The following PTPRD variants were observed in gnomAD, a reference collection of about 807,000 sequenced individuals.
The protein encoded by PTPRD is receptor-type tyrosine-protein phosphatase delta.
Under a neutral mutation model 214.5 loss-of-function variants are expected in PTPRD, and 34 were observed. The observed-to-expected ratio is 0.16, with a 90% CI of 0.12 to 0.21. PTPRD has a LOEUF of 0.21. PTPRD is among the 10% of genes least tolerant of loss of function. The pLI, the probability that PTPRD is intolerant of heterozygous loss-of-function variation, is 1.00. For synonymous variants in PTPRD, 1,128 were observed against 845.7 expected (o/e 1.33, Z -5.79); for missense variants, 2,545 against 2,398.7 (o/e 1.06, Z -1.27).
At chr9:8,560,888 T>C (rs2085976107) in intron 14 of PTPRD, among the ~76,000 whole-genome samples, 1 of 151,510 alleles carries the variant, frequency 6.6e-6, no homozygotes, top group South Asian at 2.1e-4. Context: ...CAGGACTCTT[T>C]AGCCTAAGTG....
chr9:8,823,853 A>T (rs1402749513), intron 11 of PTPRD, among the ~76,000 whole-genome samples: 1 of 152,174 alleles, frequency 6.6e-6, no homozygotes, highest in East Asian at 1.9e-4. Context: ...GTAAAAGAAT[A>T]AAAGAATGGC....
At chr9:10,326,606 T>A (rs2096647480) in intron 3 of PTPRD, among the ~76,000 whole-genome samples, 1 of 151,676 alleles carries the variant, frequency 6.6e-6, no homozygotes, top group South Asian at 2.1e-4. Flanking sequence ...TTTTATTGAA[T>A]ATTAATTATG....
At chr9:9,775,885 G>A (rs1286618868) in intron 5 of PTPRD, among the ~76,000 whole-genome samples, 1 of 148,034 alleles carries the variant, frequency 6.8e-6, no homozygotes, top group African/African-American at 2.5e-5. Flanking sequence ...GAACCAGGGA[G>A]GCGGAGCTTG....
chr9:8,778,821 T>C (rs2095584231), intron 11 of PTPRD, among the ~76,000 whole-genome samples: 1 of 152,052 alleles, frequency 6.6e-6, no homozygotes, highest in African/African-American at 2.4e-5. Flanking sequence ...GGAAATAATA[T>C]CATACAGAGC....
At chr9:10,536,864 T>G (rs934606966) in intron 2 of PTPRD, among the ~76,000 whole-genome samples, 1 of 152,200 alleles carries the variant, frequency 6.6e-6, no homozygotes, top group Non-Finnish European at 1.5e-5. Context: ...CAATTTTCTT[T>G]TAAATCTAAT....
chr9:8,763,449 G>C, intron 11 of PTPRD, among the ~76,000 whole-genome samples: 1 of 152,020 alleles, frequency 6.6e-6, no homozygotes, highest in East Asian at 1.9e-4. Flanking sequence ...AGGAGGAGGA[G>C]GTTGCAGTAG....
chr9:10,138,489 G>A (rs1232436863), intron 3 of PTPRD, among the ~76,000 whole-genome samples: 4 of 152,016 alleles, frequency 2.6e-5, no homozygotes, highest in Admixed American at 6.6e-5. Flanking sequence ...TCTAACAGAT[G>A]TACATAGAGC....
intron 3 of PTPRD, among the ~76,000 whole-genome samples, chr9:10,187,056 A>C (rs538033548): frequency 6.6e-6 from 1 of 152,334 alleles, no homozygotes; most frequent in African/African-American, 2.4e-5. Context: ...AATCAACATA[A>C]GAAAAATTCT....
At chr9:9,037,876 G>T (rs190522236) in intron 10 of PTPRD, among the ~76,000 whole-genome samples, 11 of 152,184 alleles carry the variant, frequency 7.2e-5, no homozygotes, top group Non-Finnish European at 1.3e-4. Flanking sequence ...TGCTGACTAC[G>T]TGAGCAGGGA....
intron 3 of PTPRD, among the ~76,000 whole-genome samples, chr9:10,242,097 A>T (rs954364123): frequency 5.3e-5 from 8 of 151,920 alleles, no homozygotes; most frequent in African/African-American, 1.9e-4. Flanking sequence ...GAAGAGGAAA[A>T]CCTGAAAACA....
intron 2 of PTPRD, among the ~76,000 whole-genome samples, chr9:10,370,593 T>C (rs2097591900): frequency 1.3e-5 from 2 of 152,004 alleles, no homozygotes; most frequent in South Asian, 4.1e-4. Flanking sequence ...AAAATACATT[T>C]TGAATTGAAG....
chr9:10,303,820 A>C (rs1051329821), intron 3 of PTPRD, among the ~76,000 whole-genome samples: 6 of 152,194 alleles, frequency 3.9e-5, no homozygotes, highest in Non-Finnish European at 5.9e-5. Flanking sequence ...TCACAGCCAA[A>C]TTCTACCAGA....
chr9:9,110,862 A>T (rs1394270789), intron 10 of PTPRD, among the ~76,000 whole-genome samples: 2 of 152,162 alleles, frequency 1.3e-5, no homozygotes, highest in Admixed American at 6.6e-5. Context: ...AGCCACAATC[A>T]TTCATTTTCA....
chr9:9,595,310 ATT>A (rs2093215593), intron 7 of PTPRD, among the ~76,000 whole-genome samples: 1 of 79,574 alleles, frequency 1.3e-5, no homozygotes, highest in African/African-American at 3.1e-5. Flanking sequence ...ATATATATAT[ATT>A]ATATATATTT....
intron 11 of PTPRD, among the ~76,000 whole-genome samples, chr9:8,803,775 T>G (rs2096618261): frequency 1.3e-5 from 2 of 151,796 alleles, no homozygotes. Context: ...CGAAATCATG[T>G]TTGGTAGTCC....
intron 8 of PTPRD, among the ~76,000 whole-genome samples, chr9:9,470,360 T>C (rs61517958): frequency 1.3e-3 from 195 of 152,334 alleles, no homozygotes; most frequent in African/African-American, 4.5e-3. Context: ...AGAAGTTTCA[T>C]TGATTTCCAA....
chr9:8,645,663 G>C (rs1180591030), intron 12 of PTPRD, among the ~76,000 whole-genome samples: 1 of 152,088 alleles, frequency 6.6e-6, no homozygotes, highest in Admixed American at 6.5e-5. Context: ...AGAAGAAAGG[G>C]AAGGAAGAAA....
At chr9:8,652,052 A>C (rs1596119019) in intron 12 of PTPRD, among the ~76,000 whole-genome samples, 1 of 152,336 alleles carries the variant, frequency 6.6e-6, no homozygotes, top group East Asian at 1.9e-4. Flanking sequence ...TTTCCAAAGA[A>C]GCACAGACAG....
At chr9:10,210,073 T>C (rs2099508523) in intron 3 of PTPRD, among the ~76,000 whole-genome samples, 1 of 152,110 alleles carries the variant, frequency 6.6e-6, no homozygotes, top group Non-Finnish European at 1.5e-5. Flanking sequence ...TGAAAACATG[T>C]AGTAAAAAAT....
Sources: gnomAD v4.1 joint callset for allele counts (sites outside exome capture counted in the v4.1 genomes callset) on GRCh38, gnomAD v4.1.1 for gene constraint, MANE v1.5 for transcripts, NCBI Gene and HGNC (gene_info 2026-07-23, HGNC 2026-07-21) for gene names.